Variants in TECPR1 observed in about 807,000 individuals in gnomAD.
TECPR1 encodes tectonin beta-propeller repeat containing 1, also known as tectonin beta-propeller repeat-containing protein 1.
A neutral mutation model predicts 162.4 loss-of-function variants in TECPR1; 122 were observed. The observed-to-expected ratio is 0.75, with a 90% CI of 0.65 to 0.87. TECPR1 has a LOEUF of 0.87. TECPR1 is among the 40% of genes least tolerant of loss of function. The pLI, the probability that TECPR1 is intolerant of heterozygous loss-of-function variation, is 0.00. For synonymous variants in TECPR1, 642 were observed against 670.6 expected (o/e 0.96, Z 0.66); for missense variants, 1,432 against 1,618.2 (o/e 0.88, Z 1.97).
chr7:98,232,902 C>G lies in TECPR1; in HGVS notation c.1743G>C (p.Gln581His). The G allele has an allele frequency of 6.2e-7, 1 of 1,612,982 alleles. No individual in the cohort carries two copies. The highest frequency in any genetic ancestry group is 1.7e-5 in the Admixed American group (1 of 59,990). ...TCCTTTCCGTGAGCTGCTGGAAGAT[C>G]TGCTTCCTCCAGGCAGCGGTCTGGG... is the stretch of plus-strand genomic sequence containing the variant. Reference protein sequence around the residue: ...TPAQTAAWRKQIFQQLTERTK... With the variant: ...TPAQTAAWRKHIFQQLTERTK... Residue 581 changes from glutamine to histidine, a missense_variant, in exon 12 of 26, where the codon CAG (glutamine) becomes CAC (histidine). Transcript: ENST00000447648. The surrounding 1 kb of genome is among the most constrained non-coding windows in gnomAD (Gnocchi z 4.6).
intron 6 of TECPR1, among the ~76,000 whole-genome samples, chr7:98,242,040 C>A (rs969299452): frequency 6.6e-6 from 1 of 152,224 alleles, no homozygotes; most frequent in Non-Finnish European, 1.5e-5. Flanking sequence ...GCCATGGCCC[C>A]CCGATGGGGG....
In TECPR1 at chr7:98,232,891, T is replaced by A. The variant is rs759739861; in HGVS notation, c.1754A>T (p.Gln585Leu). The A allele has an allele frequency of 1.6e-5, 26 of 1,612,860 alleles. No individual in the cohort carries two copies. Among genetic ancestry groups the A allele is most frequent in the Admixed American group, 3.3e-5 (2 of 59,962 alleles). Residue 585 changes from glutamine (Q) to leucine (L), a missense_variant, in exon 12 of 26, where the codon CAG becomes CTG. Gln to Leu is a moderately radical substitution (Grantham distance 113). Coordinates refer to ENST00000447648, the MANE Select transcript of TECPR1 (RefSeq NM_015395.3). The surrounding 1 kb of genome is among the most constrained non-coding windows in gnomAD (Gnocchi z 4.6). Reference protein sequence around the residue: ...TAAWRKQIFQQLTERTKRELE... With the variant: ...TAAWRKQIFQLLTERTKRELE... ...CTCCCGCTTGGTCCTTTCCGTGAGC[T>A]GCTGGAAGATCTGCTTCCTCCAGGC...
Position 98,224,862 on chromosome 7 carries a change from C to G in TECPR1, c.2629G>C (p.Asp877His). 6.4e-7 allele frequency: 1 copy of G among 1,568,812 alleles called. No homozygotes were observed. Among genetic ancestry groups the G allele is most frequent in the Non-Finnish European group, 8.6e-7 (1 of 1,157,380 alleles). ...QWAWVSDWFVDFSVPGGTDQE... is the reference protein window; with the variant it reads ...QWAWVSDWFVHFSVPGGTDQE... ...TCCGTGCCCCCCGGAACGCTGAAAT[C>G]CACGAACCAGTCGGAAACCTGGGAG... is the stretch of plus-strand genomic sequence containing the variant. The change falls in exon 19 of 26, where the codon GAT (aspartate) becomes CAT (histidine). Residue 877 changes from aspartate to histidine, a missense_variant. Coordinates refer to ENST00000447648, the MANE Select transcript of TECPR1 (RefSeq NM_015395.3).
chr7:98,222,872 C>T (rs1472989240), intron 21 of TECPR1, 118 bp downstream of exon 21: 54 of 1,356,056 alleles, frequency 4.0e-5, no homozygotes, highest in South Asian at 5.1e-5. Context: ...GGGACCCACT[C>T]GGACCACAGG....
chr7:98,235,348 A>C (rs1261948667), intron 10 of TECPR1, among the ~76,000 whole-genome samples: 2 of 151,838 alleles, frequency 1.3e-5, no homozygotes, highest in Non-Finnish European at 2.9e-5. Context: ...ACACGGTGAA[A>C]CCTGATCTCT....
chr7:98,228,596 A>T, intron 16 of TECPR1: 2 of 211,102 alleles, frequency 9.5e-6, no homozygotes, highest in Non-Finnish European at 1.9e-5. Flanking sequence ...GTATCAGGGG[A>T]CCACAGTTCT....
chr7:98,218,086 GC>G, intron 23 of TECPR1, 44 bp from the exon 24 acceptor site: 1 of 1,478,012 alleles, frequency 6.8e-7, no homozygotes, highest in Non-Finnish European at 9.2e-7. Flanking sequence ...GACCTTCCCG[GC>G]CCCTCCTGCC....
chr7:98,228,746 G>A (rs988080156), intron 16 of TECPR1: 14 of 327,332 alleles, frequency 4.3e-5, no homozygotes, highest in Non-Finnish European at 6.8e-5. Flanking sequence ...GAAGTTCAGC[G>A]AGTGCCTACC....
chr7:98,218,713 T>C (rs554826060), intron 23 of TECPR1, among the ~76,000 whole-genome samples: 53 of 152,298 alleles, frequency 3.5e-4, no homozygotes, highest in African/African-American at 1.0e-3. Flanking sequence ...AAAGAAATCA[T>C]AGATGACAGA....
At position 98,217,725 on chromosome 7, in the gene TECPR1, C is replaced by T. The variant is rs1798049846; in HGVS notation, c.3351G>A (p.Glu1117=). 1 of 1,549,622 alleles carries T rather than the reference C, an allele frequency of 6.5e-7. No homozygotes were observed. Among genetic ancestry groups the T allele is most frequent in the Non-Finnish European group, 8.7e-7 (1 of 1,146,582 alleles). The change falls in exon 25 of 26, where the codon GAG becomes GAA. Residue 1117 remains glutamate (E), a synonymous_variant. Coordinates refer to ENST00000447648, the MANE Select transcript of TECPR1 (RefSeq NM_015395.3). ...VCHRTGVQPH[E]PKGHGWDYGI... ...CGTAGTCCCAGCCGTGGCCCTTGGG[C>T]TCGTGAGGCTGCACGCCGGTGCGAT...
chr7:98,237,017 G>A, intron 9 of TECPR1, 96 bp from the exon 10 acceptor site: 18 of 1,333,106 alleles, frequency 1.4e-5, no homozygotes, highest in Non-Finnish European at 1.7e-5. Context: ...GGTCCTCCAT[G>A]TGCAGGTGTG....
chr7:98,229,185 G>A lies in TECPR1; in HGVS notation c.2283-19C>T. 1.9e-6 allele frequency: 3 copies of A among 1,551,872 alleles called. No homozygotes were observed. The highest frequency in any genetic ancestry group is 2.6e-6 in the Non-Finnish European group (3 of 1,147,222). On this transcript the variant is annotated intron_variant, in intron 15 of 25. Transcript: ENST00000447648. Reference sequence around the variant, plus strand: ...CCAAAACCTGGAAGGATGGGAGAGGGCAGGTGGAAACCCCTCAGACCCCAC... The same window carrying A: ...CCAAAACCTGGAAGGATGGGAGAGGACAGGTGGAAACCCCTCAGACCCCAC...
At chr7:98,240,718 G>C (rs912556905) in intron 8 of TECPR1, 133 bp downstream of exon 8, 1 of 809,684 alleles carries the variant, frequency 1.2e-6, no homozygotes, top group Non-Finnish European at 1.9e-6. Flanking sequence ...CCCGGCCTGG[G>C]TTTTTCTTTT....
chr7:98,222,557 G>A, intron 21 of TECPR1, 36 bp from the exon 22 acceptor site: 1 of 1,547,722 alleles, frequency 6.5e-7, no homozygotes, highest in South Asian at 1.2e-5. Context: ...AGGTCACCAG[G>A]GCCCCCACCC....
chr7:98,241,283 C>A lies in TECPR1; in HGVS notation c.658-39G>T. On this transcript the variant is annotated intron_variant, in intron 6 of 25. Transcript: ENST00000447648. This position sits in a 1 kb window ranked among gnomAD's most constrained non-coding sequence, Gnocchi z 5.0. ...CAGGGACACAGCACCTGCATCAACT[C>A]ATTCACACCAGCCAAGCACGGGGGT... is the stretch of plus-strand genomic sequence containing the variant. The A allele has an allele frequency of 6.2e-7, 1 of 1,608,528 alleles. No homozygotes were observed. The highest frequency in any genetic ancestry group is 8.5e-7 in the Non-Finnish European group (1 of 1,177,254).
In TECPR1 at chr7:98,217,055, G is replaced by A. The variant is rs145363905; in HGVS notation, c.*335C>T. ...CTGCTGCCCCAGGGCCGGCGTTCCC[G>A]GAGGGCTCCAGGTTCCCGGTTCTAG... On this transcript the variant is annotated 3_prime_UTR_variant, in exon 26 of 26. Coordinates refer to ENST00000447648, the MANE Select transcript of TECPR1 (RefSeq NM_015395.3). 2,100 of 251,764 alleles carry A rather than the reference G, an allele frequency of 8.3e-3. 56 individuals are homozygous for A. The highest frequency in any genetic ancestry group is 0.044 in the African/African-American group (1,948 of 44,540). 15.6% of individuals were successfully genotyped at this position (251,764 alleles called of 1,614,324 possible).
intron 2 of TECPR1, among the ~76,000 whole-genome samples, chr7:98,248,764 T>C (rs1432871587): frequency 6.6e-6 from 1 of 151,338 alleles, no homozygotes; most frequent in East Asian, 2.0e-4. Flanking sequence ...GGAGAATCGC[T>C]GGAACCAGGA....
Position 98,241,547 on chromosome 7 carries a change from A to T in TECPR1, c.658-303T>A, listed in dbSNP as rs1265137732. Among the ~76,000 whole-genome samples, 1 of 152,158 alleles carries T rather than the reference A, an allele frequency of 6.6e-6. No homozygotes were observed. Among genetic ancestry groups the T allele is most frequent in the Non-Finnish European group, 1.5e-5 (1 of 68,016 alleles). ...CCACTCTGGCCAGCCCGTGTGTCCC[A>T]TGCCCCCTTGTGGCGATGTGCTCTC... On this transcript the variant is annotated intron_variant, in intron 6 of 25. Coordinates refer to ENST00000447648, the MANE Select transcript of TECPR1 (RefSeq NM_015395.3). The surrounding 1 kb of genome is among the most constrained non-coding windows in gnomAD (Gnocchi z 5.0).
intron 17 of TECPR1, among the ~76,000 whole-genome samples, chr7:98,227,811 G>A (rs980541527): frequency 4.9e-5 from 5 of 101,590 alleles, no homozygotes; most frequent in Non-Finnish European, 9.4e-5. Flanking sequence ...GACAGAGCAA[G>A]ACCCTGTATC....
Sources: gnomAD v4.1 joint callset for allele counts (sites outside exome capture counted in the v4.1 genomes callset) on GRCh38, gnomAD v4.1.1 for gene constraint, Gnocchi (gnomAD v3.1) non-coding constraint, MANE v1.5 for transcripts, NCBI Gene and HGNC (gene_info 2026-07-23, HGNC 2026-07-21) for gene names.